FABP12: variants seen among roughly 807,000 people sequenced by gnomAD.
FABP12 encodes fatty acid binding protein 12.
In FABP12, 19 loss-of-function variants were observed where a neutral mutation model predicts 13.7. That is an observed-to-expected ratio of 1.39 (90% CI 0.97 to 2.04). FABP12 has a LOEUF of 2.04. Among genes scored for constraint, FABP12 ranks in the 30% most tolerant of loss-of-function variants. The pLI, the probability that FABP12 is intolerant of heterozygous loss-of-function variation, is 0.00. For synonymous variants in FABP12, 61 were observed against 57.0 expected, an observed-to-expected ratio of 1.07 and a Z score of -0.32; for missense variants, 182 against 164.2, an observed-to-expected ratio of 1.11 and a Z score of -0.59.
chr8:81,555,409 A>T (rs530764272), intron 1 of FABP12, among the ~76,000 whole-genome samples: 1 of 152,348 alleles, frequency 6.6e-6, no homozygotes, highest in African/African-American at 2.4e-5. Flanking sequence ...AATTTTTAAA[A>T]TCTAAAGTCC....
chr8:81,578,486 T>C (rs990120231), intron 1 of FABP12, among the ~76,000 whole-genome samples: 2 of 150,374 alleles, frequency 1.3e-5, no homozygotes, highest in Non-Finnish European at 3.0e-5. Context: ...AATTTTCTTT[T>C]CTTTTTTTTT....
intron 1 of FABP12, among the ~76,000 whole-genome samples, chr8:81,562,853 C>T (rs1486111187): frequency 6.6e-6 from 1 of 152,202 alleles, no homozygotes; most frequent in Non-Finnish European, 1.5e-5. Flanking sequence ...AACTTACTTA[C>T]CTAAGGAGAG....
chr8:81,531,364 C>T (rs1447257372), exon 2 of FABP12: 2 of 1,321,598 alleles, frequency 1.5e-6, no homozygotes, highest in Non-Finnish European at 2.1e-6. Context: ...CATGTGTATG[C>T]TGGTTTTCCC....
chr8:81,578,589 G>T (rs1450062556), intron 1 of FABP12, among the ~76,000 whole-genome samples: 1 of 150,242 alleles, frequency 6.7e-6, no homozygotes, highest in Non-Finnish European at 1.5e-5. Flanking sequence ...AGGTTCAAGC[G>T]ATTCTCCTGC....
At chr8:81,526,042 G>T (rs1180994091) in intron 4 of FABP12, 1 of 152,068 alleles carries the variant, frequency 6.6e-6, no homozygotes, top group Non-Finnish European at 1.5e-5. Flanking sequence ...AACTATAAAA[G>T]CTTTCTGTTT....
At chr8:81,528,267 C>T (rs73275489) in intron 3 of FABP12, among the ~76,000 whole-genome samples, 9,863 of 151,978 alleles carry the variant, frequency 0.065, 532 homozygotes, top group African/African-American at 0.14. Context: ...TTTGTAGAGG[C>T]GGGATCCTGC....
At chr8:81,582,707 A>G (rs1414547822) in intron 1 of FABP12, among the ~76,000 whole-genome samples, 2 of 152,174 alleles carry the variant, frequency 1.3e-5, no homozygotes, top group Non-Finnish European at 2.9e-5. Flanking sequence ...GATATATATA[A>G]CAAATATTAC....
intron 2 of FABP12, 112 bp from the exon 3 acceptor site, chr8:81,529,722 G>T: frequency 3.0e-6 from 3 of 992,372 alleles, no homozygotes; most frequent in Admixed American, 2.8e-5. Flanking sequence ...AACATTATCT[G>T]TATAATTCTT....
chr8:81,539,746 G>A (rs190442556), intron 1 of FABP12, among the ~76,000 whole-genome samples: 4 of 152,212 alleles, frequency 2.6e-5, no homozygotes, highest in African/African-American at 9.6e-5. Context: ...CGGAATTCCT[G>A]GAGGGATGAA....
chr8:81,574,865 G>A (rs1810006597), intron 1 of FABP12, among the ~76,000 whole-genome samples: 1 of 150,408 alleles, frequency 6.6e-6, no homozygotes, highest in Non-Finnish European at 1.5e-5. Flanking sequence ...TATTGCTAAT[G>A]GTCTATCAAT....
intron 1 of FABP12, among the ~76,000 whole-genome samples, chr8:81,587,096 T>C (rs1327215975): frequency 1.3e-5 from 2 of 152,174 alleles, no homozygotes; most frequent in Non-Finnish European, 2.9e-5. Context: ...GAAGATCAGA[T>C]GGTTGTAGGT....
chr8:81,531,351 T>C (rs956325176), exon 2 of FABP12: 2 of 1,477,150 alleles, frequency 1.4e-6, no homozygotes, highest in Admixed American at 2.0e-5. Context: ...AGAACAGTAG[T>C]TTCATGTGTA....
chr8:81,581,604 G>C (rs1428725251), intron 1 of FABP12, among the ~76,000 whole-genome samples: 1 of 152,054 alleles, frequency 6.6e-6, no homozygotes, highest in Non-Finnish European at 1.5e-5. Flanking sequence ...ACTTATAAAA[G>C]AACCCCCATC....
chr8:81,528,139 G>A (rs112646621), intron 3 of FABP12, among the ~76,000 whole-genome samples: 14,684 of 152,042 alleles, frequency 0.097, 695 homozygotes, highest in African/African-American at 0.11. Flanking sequence ...GAATGCAGTG[G>A]TGCAATCATG....
At chr8:81,535,806 T>C (rs879267950), upstream of FABP12, among the ~76,000 whole-genome samples, 15 of 152,096 alleles carry the variant, frequency 9.9e-5, no homozygotes, top group Admixed American at 4.6e-4. Flanking sequence ...AGACAAAGGA[T>C]TCTGGGTCTG....
At chr8:81,577,281 T>C (rs888306743) in intron 1 of FABP12, among the ~76,000 whole-genome samples, 3 of 152,228 alleles carry the variant, frequency 2.0e-5, no homozygotes, top group South Asian at 4.1e-4. Flanking sequence ...ATTAAGATTA[T>C]GTATTTATTT....
chr8:81,543,551 T>C (rs1045065595), intron 1 of FABP12, among the ~76,000 whole-genome samples: 1 of 152,186 alleles, frequency 6.6e-6, no homozygotes, highest in Non-Finnish European at 1.5e-5. Context: ...AAACAAACAC[T>C]GACAATTCTG....
intron 1 of FABP12, among the ~76,000 whole-genome samples, chr8:81,568,367 T>C (rs1243749001): frequency 6.6e-6 from 1 of 152,052 alleles, no homozygotes; most frequent in Non-Finnish European, 1.5e-5. Flanking sequence ...AAAACAGACA[T>C]ATAAAAAAGG....
intron 1 of FABP12, among the ~76,000 whole-genome samples, chr8:81,553,370 C>G (rs902073605): frequency 2.6e-5 from 4 of 152,242 alleles, no homozygotes; most frequent in African/African-American, 9.6e-5. Flanking sequence ...TGTTTTCAAC[C>G]TAACGAAGAT....
Sources: allele counts gnomAD v4.1 joint callset (sites outside exome capture counted in the v4.1 genomes callset), GRCh38; gene constraint gnomAD v4.1.1; transcripts MANE v1.5; gene names NCBI Gene and HGNC (gene_info 2026-07-23, HGNC 2026-07-21).